FRMD6: variants seen among roughly 807,000 people sequenced by gnomAD.
FRMD6 encodes the protein FERM domain-containing protein 6.
Under a neutral mutation model 73.2 loss-of-function variants are expected in FRMD6, and 37 were observed. The observed-to-expected ratio is 0.51, with a 90% CI of 0.39 to 0.66. The LOEUF (loss-of-function observed/expected upper bound fraction) is 0.66. Among genes scored for constraint, FRMD6 ranks in the 30% least tolerant of loss-of-function variants. FRMD6 has a pLI of 0.00. For synonymous variants in FRMD6, 273 were observed against 282.2 expected, an observed-to-expected ratio of 0.97 and a Z score of 0.33; for missense variants, 714 against 780.5, an observed-to-expected ratio of 0.91 and a Z score of 1.02.
chr14:51,571,976 C>G (rs1888157303), intron 2 of FRMD6, among the ~76,000 whole-genome samples: 1 of 152,228 alleles, frequency 6.6e-6, no homozygotes, highest in Non-Finnish European at 1.5e-5. Context: ...CTCATCCCCA[C>G]TAGACCAGCA....
chr14:51,522,699 T>A (rs866219112), intron 1 of FRMD6, among the ~76,000 whole-genome samples: 1 of 152,346 alleles, frequency 6.6e-6, no homozygotes, highest in Middle Eastern at 3.4e-3. Flanking sequence ...AATGTTGCAT[T>A]TTCTTTTGGA....
intron 1 of FRMD6, among the ~76,000 whole-genome samples, chr14:51,549,924 A>C (rs1318449498): frequency 6.6e-6 from 1 of 151,752 alleles, no homozygotes; most frequent in Admixed American, 6.6e-5. Flanking sequence ...TAAAGGCAGG[A>C]CTCTGCCTGC....
rs1889079598 is a variant in FRMD6, at chr14:51,586,851, C to A, written c.-147+16441C>A. ...CTCAACCTCCTGGACTCAAGCAATC[C>A]TCCCGCCTCCATCTCCTAAGTAGCT... On this transcript the variant is annotated intron_variant, in intron 2 of 14. Transcript: ENST00000356218. Among the ~76,000 whole-genome samples, 6 of 152,168 alleles carry A rather than the reference C, an allele frequency of 3.9e-5. No individual in the cohort carries two copies. In the South Asian group the frequency reaches 1.2e-3, roughly 32 times the overall value.
At chr14:51,694,478 T>G (rs1424509358) in intron 2 of FRMD6, among the ~76,000 whole-genome samples, 1 of 152,014 alleles carries the variant, frequency 6.6e-6, no homozygotes, top group Non-Finnish European at 1.5e-5. Flanking sequence ...TCATTTGAGG[T>G]TAGGAGATTG....
intron 1 of FRMD6, among the ~76,000 whole-genome samples, chr14:51,533,234 G>T (rs1885691243): frequency 6.6e-6 from 1 of 152,144 alleles, no homozygotes. Context: ...AGGAGTCTGG[G>T]TTTTTTTCTG....
chr14:51,412,380 T>C, the FRMD6 span, among the ~76,000 whole-genome samples: 1 of 152,196 alleles, frequency 6.6e-6, no homozygotes, highest in East Asian at 1.9e-4. Flanking sequence ...ACAAAGTTAA[T>C]GATGCGCCCA....
At chr14:51,541,539 A>G (rs1886202063) in intron 1 of FRMD6, among the ~76,000 whole-genome samples, 1 of 152,086 alleles carries the variant, frequency 6.6e-6, no homozygotes, top group African/African-American at 2.4e-5. Context: ...GGTGGAAGAC[A>G]AAAACTGAGA....
At chr14:51,593,969 A>G (rs1042266882) in intron 2 of FRMD6, among the ~76,000 whole-genome samples, 1 of 152,174 alleles carries the variant, frequency 6.6e-6, no homozygotes, top group African/African-American at 2.4e-5. Context: ...AAGTAAGACC[A>G]AACGGCTTGG....
intron 13 of FRMD6, among the ~76,000 whole-genome samples, chr14:51,726,880 T>C (rs1009202302): frequency 4.6e-5 from 7 of 152,212 alleles, no homozygotes; most frequent in African/African-American, 1.7e-4. Flanking sequence ...TTGTATCTTA[T>C]TCTAACAGGG....
At chr14:51,538,676 G>C (rs1016501254) in intron 1 of FRMD6, among the ~76,000 whole-genome samples, 37 of 152,024 alleles carry the variant, frequency 2.4e-4, no homozygotes, top group African/African-American at 8.7e-4. Flanking sequence ...AATTTTCCTG[G>C]CACCCTTGCC....
intron 1 of FRMD6, among the ~76,000 whole-genome samples, chr14:51,550,216 G>C (rs897511172): frequency 3.3e-5 from 5 of 152,144 alleles, no homozygotes; most frequent in South Asian, 4.2e-4. Context: ...ATTTCTTTTG[G>C]AAATAGGAAT....
intron 1 of FRMD6, among the ~76,000 whole-genome samples, chr14:51,662,358 C>A (rs951452550): frequency 6.6e-6 from 1 of 151,928 alleles, no homozygotes; most frequent in Non-Finnish European, 1.5e-5. Flanking sequence ...CAATCCTAAG[C>A]AAAAAGAACA....
In FRMD6 at chr14:51,507,217, C is replaced by T. The variant is rs530239729; in HGVS notation, c.-210+17797C>T. ...GGTCGGCTAACCCTGACTTCTGGTTCCCATTGTCATAGCAGCTGCAGGGCA... is the reference window on the plus strand; with the variant it reads ...GGTCGGCTAACCCTGACTTCTGGTTTCCATTGTCATAGCAGCTGCAGGGCA... On this transcript the variant is annotated intron_variant, in intron 1 of 14. Coordinates refer to the FRMD6 transcript ENST00000356218. Among the ~76,000 whole-genome samples, 4 of 152,202 alleles carry T rather than the reference C, an allele frequency of 2.6e-5. No homozygotes were observed. The South Asian group carries it at 8.3e-4, about 32-fold the overall frequency.
intron 9 of FRMD6, 68 bp downstream of exon 9, chr14:51,712,619 T>C: frequency 1.0e-6 from 1 of 997,136 alleles, no homozygotes; most frequent in Non-Finnish European, 1.6e-6. Flanking sequence ...GTTTCTGTTA[T>C]TTTTTGTTTT....
intron 1 of FRMD6, among the ~76,000 whole-genome samples, chr14:51,525,417 C>T (rs1596539001): frequency 6.6e-6 from 1 of 152,048 alleles, no homozygotes; most frequent in South Asian, 2.1e-4. Context: ...TACAGGTATG[C>T]ACCACCAAGC....
chr14:51,569,902 A>G (rs1048804916), intron 1 of FRMD6, among the ~76,000 whole-genome samples: 3 of 147,992 alleles, frequency 2.0e-5, no homozygotes, highest in South Asian at 4.3e-4. Flanking sequence ...TGCAAGCTCC[A>G]CCTCCTGGGT....
upstream of FRMD6, among the ~76,000 whole-genome samples, chr14:51,488,092 C>CA (rs1882815608): frequency 6.6e-6 from 1 of 152,182 alleles, no homozygotes; most frequent in South Asian, 2.1e-4. Flanking sequence ...CTAGGGTGGC[C>CA]ACCAGCAGCC....
At chr14:51,549,657 G>A (rs779655755) in intron 1 of FRMD6, among the ~76,000 whole-genome samples, 16 of 132,120 alleles carry the variant, frequency 1.2e-4, no homozygotes, top group South Asian at 5.3e-4. Flanking sequence ...GTGCAGTGGC[G>A]CACTCTCAGC....
intron 2 of FRMD6, among the ~76,000 whole-genome samples, chr14:51,605,945 C>T (rs539984405): frequency 2.4e-4 from 37 of 152,276 alleles, no homozygotes; most frequent in Admixed American, 2.4e-3. Flanking sequence ...TACTCAGGCT[C>T]CATGCTGTTG....
Sources: gnomAD v4.1 joint callset for allele counts (sites outside exome capture counted in the v4.1 genomes callset) on GRCh38, gnomAD v4.1.1 for gene constraint, MANE v1.5 for transcripts, NCBI Gene and HGNC (gene_info 2026-07-23, HGNC 2026-07-21) for gene names.